CNTNAP3: variants seen among roughly 807,000 people sequenced by gnomAD.
The protein encoded by CNTNAP3 is contactin associated protein family member 3.
A neutral mutation model predicts 92.1 loss-of-function variants in CNTNAP3; 36 were observed. The observed-to-expected ratio is 0.39, with a 90% CI of 0.30 to 0.52. The LOEUF (loss-of-function observed/expected upper bound fraction) is 0.52. Ranked by LOEUF, CNTNAP3 falls within the 20% of genes least tolerant of loss-of-function variation. CNTNAP3 has a pLI of 0.76. For missense variants in CNTNAP3, 534 were observed against 1,069.6 expected (o/e 0.50, Z 6.98); for synonymous variants, 232 against 422.3 (o/e 0.55, Z 5.53).
chr9:39,133,939 C>T (rs1239256440), intron 12 of CNTNAP3, among the ~76,000 whole-genome samples: 5 of 152,102 alleles, frequency 3.3e-5, no homozygotes, highest in Admixed American at 2.6e-4. Context: ...GAATAATGGA[C>T]ATTTTACATA....
chr9:39,225,821 CCTCT>C lies in CNTNAP3; in HGVS notation c.390+13168_390+13171del, dbSNP rs920619472. On this transcript the variant is annotated intron_variant, in intron 3 of 23. Coordinates refer to ENST00000297668, the MANE Select transcript of CNTNAP3 (RefSeq NM_033655.5). ...CTACTGTTTCCTCTCTCTCTCTATC[CCTCT>C]ATCTCTTTCTTTACAATAAAAACTT... is the stretch of plus-strand genomic sequence containing the variant. Among the ~76,000 whole-genome samples the C allele has an allele frequency of 1.1e-4, 4 of 35,970 alleles. 1 individual carries two copies. Among genetic ancestry groups the C allele is most frequent in the African/African-American group, 1.8e-4 (4 of 22,800 alleles). 23.6% of individuals were successfully genotyped at this position (35,970 alleles called of 152,430 possible). A position where few individuals can be genotyped will look rare whatever the true frequency, so the allele number is the denominator to read the frequency against.
intron 18 of CNTNAP3, among the ~76,000 whole-genome samples, chr9:39,097,436 T>C (rs544242251): frequency 3.9e-4 from 60 of 151,952 alleles, no homozygotes; most frequent in Non-Finnish European, 8.1e-4. Flanking sequence ...TTGCCTTGCC[T>C]CTCCTGGTGG....
chr9:39,111,899 T>G (rs1826756898), intron 14 of CNTNAP3, among the ~76,000 whole-genome samples: 1 of 152,070 alleles, frequency 6.6e-6, no homozygotes, highest in African/African-American at 2.4e-5. Flanking sequence ...ATTCTGAGCA[T>G]AAAGATAGCC....
At chr9:39,101,149 T>G (rs954578025) in intron 17 of CNTNAP3, among the ~76,000 whole-genome samples, 4 of 148,578 alleles carry the variant, frequency 2.7e-5, no homozygotes, top group African/African-American at 9.9e-5. Context: ...TCCAGTAGTT[T>G]GATGGTTTCA....
chr9:39,068,243 CAAAAAAAA>C lies in CNTNAP3; in HGVS notation c.*5639_*5646del, dbSNP rs1198106886. On this transcript the variant is annotated 3_prime_UTR_variant, in exon 24 of 24. Coordinates refer to ENST00000297668, the MANE Select transcript of CNTNAP3 (RefSeq NM_033655.5). ...TGAAACCTTGCCTCCACTAAAAATA[CAAAAAAAA>C]AAAAAAAAAAAAAAATTAGCTGGGC... 6.9e-3 allele frequency among the ~76,000 whole-genome samples: 897 copies of C among 129,438 alleles called. No homozygotes were observed. The highest frequency in any genetic ancestry group is 0.026 in the South Asian group (105 of 4,076). 84.9% of individuals were successfully genotyped at this position (129,438 alleles called of 152,430 possible).
chr9:39,113,916 C>G (rs1463178341), intron 14 of CNTNAP3, among the ~76,000 whole-genome samples: 1 of 151,620 alleles, frequency 6.6e-6, no homozygotes, highest in Non-Finnish European at 1.5e-5. Flanking sequence ...AATTATTCCA[C>G]TGTTTTGGGT....
At chr9:39,134,120 CCTTA>C (rs1286630188) in intron 12 of CNTNAP3, among the ~76,000 whole-genome samples, 4 of 152,204 alleles carry the variant, frequency 2.6e-5, no homozygotes, top group Admixed American at 2.0e-4. Flanking sequence ...AATTTCACAG[CCTTA>C]CTGTTACTTA....
At chr9:39,108,780 A>T (rs1365423262) in intron 15 of CNTNAP3, among the ~76,000 whole-genome samples, 1 of 152,134 alleles carries the variant, frequency 6.6e-6, no homozygotes, top group African/African-American at 2.4e-5. Context: ...GAGGTCAGAA[A>T]ATAGAGAGTG....
intron 9 of CNTNAP3, among the ~76,000 whole-genome samples, chr9:39,152,719 G>C (rs1821868776): frequency 7.0e-6 from 1 of 143,394 alleles, no homozygotes; most frequent in Non-Finnish European, 1.5e-5. Context: ...GCAGTGGTGT[G>C]ATCTCTGCTC....
At position 39,092,429 on chromosome 9, in the gene CNTNAP3, T is replaced by A. The variant is rs569722454; in HGVS notation, c.2996-3782A>T. On this transcript the variant is annotated intron_variant, in intron 18 of 23. Coordinates refer to ENST00000297668, the MANE Select transcript of CNTNAP3 (RefSeq NM_033655.5). ...ACCCTGCTTTAGCTGTGTTACTATA[T>A]GTTTTAGTAATGTTGTATTTTTGCT... Among the ~76,000 whole-genome samples the A allele has an allele frequency of 2.2e-5, 3 of 135,844 alleles. 1 individual carries two copies. Among genetic ancestry groups the A allele is most frequent in the Admixed American group, 2.1e-4 (3 of 14,112 alleles). The allele number at this position is 135,844 out of a possible 152,430, so 89.1% of individuals were successfully genotyped here.
chr9:39,084,914 G>C (rs1394865777), intron 21 of CNTNAP3: 1 of 150,794 alleles, frequency 6.6e-6, no homozygotes, highest in South Asian at 2.1e-4. Context: ...TTTTTATACC[G>C]TAAGTTACAT....
At chr9:39,148,729 G>A (rs928993954) in intron 10 of CNTNAP3, among the ~76,000 whole-genome samples, 1 of 152,082 alleles carries the variant, frequency 6.6e-6, no homozygotes, top group African/African-American at 2.4e-5. Flanking sequence ...GTTTCACCAT[G>A]TTAGCCAGGA....
At chr9:39,124,532 G>C (rs1264640490) in intron 13 of CNTNAP3, among the ~76,000 whole-genome samples, 1 of 152,116 alleles carries the variant, frequency 6.6e-6, no homozygotes, top group Non-Finnish European at 1.5e-5. Context: ...AAACTAAAGA[G>C]GTTCTGCACA....
rs369931763 is a variant in CNTNAP3 at position 39,204,967 on chromosome 9, A to AATCATC, written c.391-11698_391-11693dup. Among the ~76,000 whole-genome samples the AATCATC allele has an allele frequency of 2.7e-3, 216 of 80,040 alleles. 24 individuals carry two copies. Among genetic ancestry groups the AATCATC allele is most frequent in the Admixed American group, 2.8e-3 (23 of 8,342 alleles). The allele number at this position is 80,040 out of a possible 152,430, so 52.5% of individuals were successfully genotyped here. A position where few individuals can be genotyped will look rare whatever the true frequency, so the allele number is the denominator to read the frequency against. ...AAATGGGATTATATTCTCAAATTCA[A>AATCATC]ATCATCATCATCATCATCATCATCA... is the stretch of plus-strand genomic sequence containing the variant. On this transcript the variant is annotated intron_variant, in intron 3 of 23. Transcript: ENST00000297668.
intron 9 of CNTNAP3, among the ~76,000 whole-genome samples, chr9:39,151,397 AC>A (rs1821840023): frequency 1.4e-5 from 2 of 142,878 alleles, no homozygotes; most frequent in Admixed American, 1.4e-4. Flanking sequence ...TACTAAAAAT[AC>A]AAAAAAAAAT....
intron 18 of CNTNAP3, among the ~76,000 whole-genome samples, chr9:39,097,313 C>T (rs1826349227): frequency 6.6e-6 from 1 of 152,000 alleles, no homozygotes; most frequent in South Asian, 2.1e-4. Flanking sequence ...CTCCCTCTAC[C>T]TCTTGGTTGA....
chr9:39,118,068 C>G, intron 14 of CNTNAP3, 35 bp downstream of exon 14: 1 of 1,577,562 alleles, frequency 6.3e-7, no homozygotes, highest in Non-Finnish European at 8.6e-7. Flanking sequence ...GAATAAAAAC[C>G]ACATTTTTGT....
chr9:39,099,474 A>T (rs1437837971), intron 18 of CNTNAP3, among the ~76,000 whole-genome samples: 1 of 152,194 alleles, frequency 6.6e-6, no homozygotes, highest in African/African-American at 2.4e-5. Context: ...CATTGTCACA[A>T]GGGACAATGG....
chr9:39,079,737 T>A lies in CNTNAP3; in HGVS notation c.3443-817A>T, dbSNP rs1166113014. On this transcript the variant is annotated intron_variant, in intron 21 of 23. Transcript: ENST00000297668. Reference sequence around the variant, plus strand: ...CCTTCTTATTTCCTGCTTTCCCTTTTGTGAGTTTGAGAGCTCAACTTCCCT... The same window carrying A: ...CCTTCTTATTTCCTGCTTTCCCTTTAGTGAGTTTGAGAGCTCAACTTCCCT... 3.3e-5 allele frequency among the ~76,000 whole-genome samples: 4 copies of A among 121,006 alleles called. 1 individual carries two copies. The highest frequency in any genetic ancestry group is 6.6e-5 in the Non-Finnish European group (4 of 60,958). 79.4% of individuals were successfully genotyped at this position (121,006 alleles called of 152,430 possible).
Sources: gnomAD v4.1 joint callset for allele counts (sites outside exome capture counted in the v4.1 genomes callset) on GRCh38, gnomAD v4.1.1 for gene constraint, MANE v1.5 for transcripts, NCBI Gene and HGNC (gene_info 2026-07-23, HGNC 2026-07-21) for gene names.